Variants in CNTN1 observed in about 807,000 individuals in gnomAD.
CNTN1 encodes the protein contactin 1, also known as contactin-1.
A neutral mutation model predicts 126.4 loss-of-function variants in CNTN1; 38 were observed. The ratio of observed to expected loss-of-function variants is 0.30; its 90% CI spans 0.23 to 0.39. CNTN1 has a LOEUF of 0.39. Ranked by LOEUF, CNTN1 falls within the 10% of genes least tolerant of loss-of-function variation. The pLI, the probability that CNTN1 is intolerant of heterozygous loss-of-function variation, is 1.00. For synonymous variants in CNTN1, 413 were observed against 422.6 expected (o/e 0.98, Z 0.28); for missense variants, 1,009 against 1,248.4 (o/e 0.81, Z 2.89).
intron 1 of CNTN1, among the ~76,000 whole-genome samples, chr12:40,753,921 T>C (rs1442286384): frequency 1.3e-5 from 2 of 152,136 alleles, no homozygotes; most frequent in Non-Finnish European, 2.9e-5. Context: ...GGATATATTA[T>C]AATTTAATTC....
At chr12:40,814,079 A>AAC (rs1941179525) in intron 1 of CNTN1, among the ~76,000 whole-genome samples, 1 of 152,004 alleles carries the variant, frequency 6.6e-6, no homozygotes, top group Non-Finnish European at 1.5e-5. Flanking sequence ...TAAGTTCCCT[A>AAC]TAAATTCTGG....
At chr12:40,993,864 TA>T (rs1297135279) in intron 17 of CNTN1, among the ~76,000 whole-genome samples, 1 of 152,148 alleles carries the variant, frequency 6.6e-6, no homozygotes, top group Admixed American at 6.6e-5. Flanking sequence ...GAACCACTGA[TA>T]GTGAGCATAT....
At chr12:40,749,633 TA>T (rs1437600069) in intron 1 of CNTN1, among the ~76,000 whole-genome samples, 3 of 142,412 alleles carry the variant, frequency 2.1e-5, no homozygotes, top group East Asian at 2.0e-4. Context: ...TTTGTTTTTT[TA>T]TTTTTTTTTT....
chr12:40,923,311 G>T (rs1328903703), intron 5 of CNTN1, among the ~76,000 whole-genome samples: 3 of 151,724 alleles, frequency 2.0e-5, no homozygotes, highest in Non-Finnish European at 4.4e-5. Flanking sequence ...ATTGGGAGAT[G>T]AGTTGGACCA....
chr12:41,047,848 T>C (rs945602113), intron 23 of CNTN1, among the ~76,000 whole-genome samples: 32 of 152,024 alleles, frequency 2.1e-4, no homozygotes, highest in African/African-American at 7.5e-4. Flanking sequence ...CTACATAATC[T>C]CAAACATCCT....
intron 1 of CNTN1, among the ~76,000 whole-genome samples, chr12:40,885,295 A>G (rs573922069): frequency 7.9e-5 from 12 of 152,082 alleles, no homozygotes; most frequent in African/African-American, 2.9e-4. Context: ...TAATACATGT[A>G]AGGTGTCTGG....
chr12:40,749,770 GA>G (rs1036538258), intron 1 of CNTN1, among the ~76,000 whole-genome samples: 1 of 96,484 alleles, frequency 1.0e-5, no homozygotes, highest in Non-Finnish European at 2.4e-5. Context: ...TACATTTCAT[GA>G]AAAGTAAATC....
chr12:40,915,817 C>T lies in CNTN1; in HGVS notation c.95-2822C>T, dbSNP rs867813393. ...AAGTCAGATCAAGGACAGCTAACAC[C>T]TATAGTGTATCAAATTGTTGCTCCC... is the stretch of plus-strand genomic sequence containing the variant. On this transcript the variant is annotated intron_variant, in intron 3 of 23. Coordinates refer to ENST00000551295, the MANE Select transcript of CNTN1 (RefSeq NM_001843.4). Among the ~76,000 whole-genome samples the T allele has an allele frequency of 3.9e-5, 6 of 151,982 alleles. No individual in the cohort carries two copies. In the South Asian group the frequency reaches 1.2e-3, roughly 31 times the overall value.
intron 1 of CNTN1, among the ~76,000 whole-genome samples, chr12:40,822,146 A>ATTTTTTTTTTTTTTTTTTTTTTTTTTT (rs1315956279): frequency 2.4e-5 from 2 of 81,922 alleles, no homozygotes; most frequent in Non-Finnish European, 5.2e-5. Context: ...CAAAATATAA[A>ATTTTTTTTTTTTTTTTTTTTTTTTTTT]TCTTTTTTTT....
In CNTN1 at chr12:40,808,318, C is replaced by T. The variant is rs140636756; in HGVS notation, c.-76-100039C>T. ...TGGTAAATGTGTAACAACTGACTCT[C>T]CCAGGGAAAAGAGAAAACCCTAATG... On this transcript the variant is annotated intron_variant, in intron 1 of 23. Coordinates refer to ENST00000551295, the MANE Select transcript of CNTN1 (RefSeq NM_001843.4). 9.9e-5 allele frequency among the ~76,000 whole-genome samples: 15 copies of T among 152,226 alleles called. No homozygotes were observed. The East Asian group carries it at 2.7e-3, about 27-fold the overall frequency.
At chr12:40,949,100 T>C (rs1014526923) in intron 14 of CNTN1, among the ~76,000 whole-genome samples, 3 of 152,120 alleles carry the variant, frequency 2.0e-5, no homozygotes, top group Non-Finnish European at 4.4e-5. Flanking sequence ...TTTACAAATA[T>C]GTATTTAAAA....
Position 41,029,166 on chromosome 12 carries a change from T to C in CNTN1, c.2927T>C (p.Val976Ala), listed in dbSNP as rs779363944. 1 of 1,613,974 alleles carries C rather than the reference T, an allele frequency of 6.2e-7. No individual in the cohort carries two copies. Among genetic ancestry groups the C allele is most frequent in the East Asian group, 2.2e-5 (1 of 44,862 alleles). ...AGAGATGGAGAATACGTTGTGGAGGTTCGCGCGCACAGTGATGGAGGAGAT... is the reference window on the plus strand; with the variant it reads ...AGAGATGGAGAATACGTTGTGGAGGCTCGCGCGCACAGTGATGGAGGAGAT... ...IPRDGEYVVE[V>A]RAHSDGGDGV... The change falls in exon 23 of 24, where the codon GTT becomes GCT. Residue 976 changes from valine (V) to alanine (A), a missense_variant. Physicochemically the swap from Val to Ala is moderately conservative, Grantham distance 64. Transcript: ENST00000551295.
chr12:40,718,603 C>A (rs1942110182), intron 1 of CNTN1, among the ~76,000 whole-genome samples: 1 of 152,140 alleles, frequency 6.6e-6, no homozygotes, highest in African/African-American at 2.4e-5. Flanking sequence ...AAAAAGGAAG[C>A]CTCTAGGGGC....
chr12:40,816,886 T>C (rs535028620), intron 1 of CNTN1, among the ~76,000 whole-genome samples: 1 of 152,336 alleles, frequency 6.6e-6, no homozygotes, highest in South Asian at 2.1e-4. Context: ...ATTTCTGCCT[T>C]AATTTATTTC....
At chr12:40,763,949 T>C (rs1938971035) in intron 1 of CNTN1, among the ~76,000 whole-genome samples, 1 of 152,142 alleles carries the variant, frequency 6.6e-6, no homozygotes, top group African/African-American at 2.4e-5. Context: ...GACAATACTT[T>C]TCTTATAGCA....
chr12:40,943,875 G>C, intron 13 of CNTN1, 120 bp from the exon 14 acceptor site: 1 of 1,376,072 alleles, frequency 7.3e-7, no homozygotes, highest in Non-Finnish European at 1.0e-6. Context: ...TTGGAATTTG[G>C]AAGTGAAAAC....
intron 1 of CNTN1, among the ~76,000 whole-genome samples, chr12:40,719,064 G>A (rs1031577289): frequency 1.3e-5 from 2 of 151,790 alleles, no homozygotes; most frequent in African/African-American, 2.4e-5. Context: ...ATGTTATTAC[G>A]GTTCAAAACT....
chr12:40,977,032 C>T (rs1052425099), intron 15 of CNTN1, among the ~76,000 whole-genome samples: 14 of 152,130 alleles, frequency 9.2e-5, no homozygotes, highest in Admixed American at 5.2e-4. Flanking sequence ...GAGGTCCTGA[C>T]GACCTGTTCC....
intron 18 of CNTN1, among the ~76,000 whole-genome samples, chr12:41,015,970 C>A (rs1948769743): frequency 1.3e-5 from 2 of 152,186 alleles, no homozygotes; most frequent in South Asian, 4.1e-4. Flanking sequence ...CAAATGAGTG[C>A]AATATTGTCC....
Sources: allele counts gnomAD v4.1 joint callset (sites outside exome capture counted in the v4.1 genomes callset), GRCh38; gene constraint gnomAD v4.1.1; transcripts MANE v1.5; gene names NCBI Gene and HGNC (gene_info 2026-07-23, HGNC 2026-07-21).